Variants in ZC3H12C observed in about 807,000 individuals in gnomAD.
The protein encoded by ZC3H12C is zinc finger CCCH-type containing 12C.
A neutral mutation model predicts 76.3 loss-of-function variants in ZC3H12C; 20 were observed. The ratio of observed to expected loss-of-function variants is 0.26; its 90% CI spans 0.18 to 0.38. The LOEUF (loss-of-function observed/expected upper bound fraction) is 0.38, where lower values mean the gene tolerates loss of function less well. Among genes scored for constraint, ZC3H12C ranks in the 10% least tolerant of loss-of-function variants. The pLI is 1.00. For synonymous variants in ZC3H12C, 352 were observed against 399.6 expected (o/e 0.88, Z 1.42); for missense variants, 874 against 1,086.5 (o/e 0.80, Z 2.75).
chr11:110,152,933 A>C lies in ZC3H12C; in HGVS notation c.788A>C (p.Glu263Ala), dbSNP rs368667714. 4.2e-4 allele frequency: 671 copies of C among 1,612,360 alleles called. No individual in the cohort carries two copies. The highest frequency in any genetic ancestry group is 5.1e-4 in the Non-Finnish European group (598 of 1,179,202). Reference sequence around the variant, plus strand: ...TAATCTTTCAGCCATGGAAACAAAGAAGTATTTTCCTGCAGAGGAATAAAA... The same window carrying C: ...TAATCTTTCAGCCATGGAAACAAAGCAGTATTTTCCTGCAGAGGAATAAAA... ...SNVAMSHGNK[E>A]VFSCRGIKLA... Residue 263 changes from glutamate to alanine, a missense_variant, in exon 3 of 6, where the codon GAA (glutamate) becomes GCA (alanine). Coordinates refer to ENST00000278590, the MANE Select transcript of ZC3H12C (RefSeq NM_033390.2).
intron 1 of ZC3H12C, among the ~76,000 whole-genome samples, chr11:110,135,621 A>G (rs2134175424): frequency 6.6e-6 from 1 of 152,226 alleles, no homozygotes; most frequent in South Asian, 2.1e-4. Flanking sequence ...GTCTTTAAGG[A>G]AAAATAGTAA....
chr11:110,114,433 C>T (rs2134156345), intron 1 of ZC3H12C, among the ~76,000 whole-genome samples: 1 of 152,288 alleles, frequency 6.6e-6, no homozygotes, highest in South Asian at 2.1e-4. Flanking sequence ...ATCTGGTTTC[C>T]TTAATACATT....
intron 1 of ZC3H12C, among the ~76,000 whole-genome samples, chr11:110,117,677 T>TTA (rs1179770735): frequency 7.1e-6 from 1 of 140,898 alleles, no homozygotes; most frequent in Non-Finnish European, 1.5e-5. Context: ...TATATATATA[T>TTA]TATATATATA....
intron 1 of ZC3H12C, among the ~76,000 whole-genome samples, chr11:110,120,386 G>A (rs1861631694): frequency 6.6e-6 from 1 of 152,110 alleles, no homozygotes; most frequent in Non-Finnish European, 1.5e-5. Flanking sequence ...GCACATCACA[G>A]CCTTCTTGCA....
At chr11:110,114,913 G>A (rs931663116) in intron 1 of ZC3H12C, among the ~76,000 whole-genome samples, 1 of 152,120 alleles carries the variant, frequency 6.6e-6, no homozygotes, top group African/African-American at 2.4e-5. Context: ...TAACTGAAAA[G>A]TGTAGCAGTT....
Position 110,164,588 on chromosome 11 carries a change from A to G in ZC3H12C, c.1503A>G (p.Gln501=), listed in dbSNP as rs1295693130. 1 of 1,614,062 alleles carries G rather than the reference A, an allele frequency of 6.2e-7. No individual in the cohort carries two copies. The highest frequency in any genetic ancestry group is 1.7e-5 in the Admixed American group (1 of 60,032). Reference sequence around the variant, plus strand: ...CAAGCATAAGGACACAAGTCTACCAAGACCTAGAAGAAAAGCTTCCCACCA... The same window carrying G: ...CAAGCATAAGGACACAAGTCTACCAGGACCTAGAAGAAAAGCTTCCCACCA... ...SDPSIRTQVY[Q]DLEEKLPTKN... is the part of the protein sequence containing the mutation. The change falls in exon 6 of 6, where the codon CAA becomes CAG. Residue 501 remains glutamine, a synonymous_variant. Coordinates refer to ENST00000278590, the MANE Select transcript of ZC3H12C (RefSeq NM_033390.2). This position sits in a 1 kb window ranked among gnomAD's most constrained non-coding sequence, Gnocchi z 5.7.
chr11:110,113,378 G>A (rs908520054), intron 1 of ZC3H12C, among the ~76,000 whole-genome samples: 1 of 152,116 alleles, frequency 6.6e-6, no homozygotes, highest in African/African-American at 2.4e-5. Flanking sequence ...CAAATATCCT[G>A]AAATATTTAC....
intron 1 of ZC3H12C, among the ~76,000 whole-genome samples, chr11:110,103,692 G>T (rs911923781): frequency 3.2e-4 from 48 of 151,404 alleles, no homozygotes; most frequent in Non-Finnish European, 3.1e-4. Context: ...TGCAAGCTCC[G>T]CCTCTCGGGT....
intron 2 of ZC3H12C, 127 bp downstream of exon 2, chr11:110,137,541 A>G (rs1244802360): frequency 1.6e-5 from 18 of 1,119,900 alleles, no homozygotes; most frequent in Non-Finnish European, 2.1e-5. Context: ...TGATGTTAAC[A>G]TTAGAAAACA....
chr11:110,159,958 G>A (rs1862449865), intron 4 of ZC3H12C, among the ~76,000 whole-genome samples: 1 of 152,222 alleles, frequency 6.6e-6, no homozygotes, highest in Non-Finnish European at 1.5e-5. Flanking sequence ...AAACCAGCTG[G>A]AACAGCCTAC....
At chr11:110,140,758 TA>T (rs577422159) in intron 2 of ZC3H12C, among the ~76,000 whole-genome samples, 3 of 152,350 alleles carry the variant, frequency 2.0e-5, no homozygotes, top group South Asian at 4.1e-4. Flanking sequence ...TTTTGTTGGC[TA>T]ATAATCTCAC....
chr11:110,095,837 TAGG>T (rs1199245850), intron 1 of ZC3H12C, among the ~76,000 whole-genome samples: 1 of 152,136 alleles, frequency 6.6e-6, no homozygotes, highest in East Asian at 1.9e-4. Flanking sequence ...GGGCAGATGA[TAGG>T]AGTAGTGAGT....
intron 4 of ZC3H12C, 131 bp downstream of exon 4, chr11:110,159,621 C>T: frequency 1.3e-6 from 1 of 794,384 alleles, no homozygotes; most frequent in South Asian, 1.8e-5. Flanking sequence ...GATCTCCCCA[C>T]TGATCCTCAG....
At chr11:110,151,541 A>AT (rs1862270253) in intron 2 of ZC3H12C, among the ~76,000 whole-genome samples, 1 of 152,222 alleles carries the variant, frequency 6.6e-6, no homozygotes, top group Non-Finnish European at 1.5e-5. Flanking sequence ...GCATCTAGGA[A>AT]TACTTGGTAC....
intron 4 of ZC3H12C, among the ~76,000 whole-genome samples, chr11:110,161,009 G>A (rs1444768970): frequency 8.6e-6 from 1 of 115,792 alleles, no homozygotes; most frequent in Non-Finnish European, 1.9e-5. Context: ...GCTAATTTTT[G>A]TGTTTTTTTT....
intron 2 of ZC3H12C, among the ~76,000 whole-genome samples, chr11:110,140,982 A>T (rs578234629): frequency 6.6e-6 from 1 of 152,330 alleles, no homozygotes; most frequent in African/African-American, 2.4e-5. Flanking sequence ...GCAAAAGTTA[A>T]ATTGTGGACA....
At chr11:110,118,310 C>T (rs1591465657) in intron 1 of ZC3H12C, among the ~76,000 whole-genome samples, 1 of 151,606 alleles carries the variant, frequency 6.6e-6, no homozygotes, top group South Asian at 2.1e-4. Context: ...ACCTGAAAAA[C>T]CCAAGCGCCT....
chr11:110,151,794 A>G (rs548388559), intron 2 of ZC3H12C, among the ~76,000 whole-genome samples: 2 of 152,330 alleles, frequency 1.3e-5, no homozygotes, highest in East Asian at 1.9e-4. Flanking sequence ...GGACAGGACT[A>G]TGGAACCATG....
At chr11:110,154,263 C>T (rs948643625) in intron 3 of ZC3H12C, among the ~76,000 whole-genome samples, 3 of 151,362 alleles carry the variant, frequency 2.0e-5, no homozygotes, top group Non-Finnish European at 2.9e-5. Flanking sequence ...TCCAGATACC[C>T]GAGAGCTGAA....
Sources: allele counts gnomAD v4.1 joint callset (sites outside exome capture counted in the v4.1 genomes callset), GRCh38; gene constraint gnomAD v4.1.1; non-coding constraint Gnocchi (gnomAD v3.1); transcripts MANE v1.5; gene names NCBI Gene and HGNC (gene_info 2026-07-23, HGNC 2026-07-21).